Variants in CFAP54 observed in about 807,000 individuals in gnomAD.
CFAP54 encodes the protein cilia and flagella associated protein 54.
In CFAP54, 290 loss-of-function variants were observed where a neutral mutation model predicts 370.4. The observed-to-expected ratio is 0.78, with a 90% confidence interval of 0.71 to 0.86. The LOEUF is 0.86. Ranked by LOEUF, CFAP54 falls within the 40% of genes least tolerant of loss-of-function variation. CFAP54 has a pLI of 0.00. For missense variants in CFAP54, 3,399 were observed against 3,528.7 expected (o/e 0.96, Z 0.93); for synonymous variants, 1,206 against 1,236.5 (o/e 0.98, Z 0.52).
rs143343437 is a variant in CFAP54, at chr12:96,506,065, C to T, written c.568-863C>T. Among the ~76,000 whole-genome samples the T allele has an allele frequency of 5.4e-3, 817 of 152,156 alleles. 12 individuals carry two copies. Among genetic ancestry groups the T allele is most frequent in the African/African-American group, 0.018 (738 of 41,510 alleles). On this transcript the variant is annotated intron_variant, in intron 3 of 67. Transcript: ENST00000524981. The stretch of plus-strand genomic sequence containing the variant: ...AACAATTGATTCAATTCTGGCCGGG[C>T]GCGGTGGCTCACGCCTGTAATCCTA...
intron 66 of CFAP54, among the ~76,000 whole-genome samples, chr12:96,853,331 T>A (rs1959604043): frequency 6.6e-6 from 1 of 152,278 alleles, no homozygotes; most frequent in East Asian, 1.9e-4. Flanking sequence ...CAAGATTCTA[T>A]TCATATGCAG....
chr12:96,801,067 A>G (rs1326432494), intron 63 of CFAP54, among the ~76,000 whole-genome samples: 1 of 152,208 alleles, frequency 6.6e-6, no homozygotes, highest in African/African-American at 2.4e-5. Context: ...TGACGATGCA[A>G]TTTAACATCC....
At chr12:96,496,367 G>A (rs561777636) in intron 1 of CFAP54, among the ~76,000 whole-genome samples, 1 of 152,200 alleles carries the variant, frequency 6.6e-6, no homozygotes, top group Non-Finnish European at 1.5e-5. Context: ...AAATACTACA[G>A]ACCAGGTGGC....
intron 9 of CFAP54, among the ~76,000 whole-genome samples, chr12:96,531,185 A>C (rs1955437466): frequency 6.6e-6 from 1 of 152,048 alleles, no homozygotes. Flanking sequence ...TGAAATACAA[A>C]CTCTAAGAAT....
At position 96,685,218 on chromosome 12, in the gene CFAP54, C is replaced by A; in HGVS notation, c.5994C>A (p.Val1998=). The stretch of plus-strand genomic sequence containing the variant: ...TCTGGGGGTGTTTGCAAGGAGCAGT[C>A]ATATCAGCAAAGATAGCACAGTGAG... ...VGIWGCLQGA[V]ISAKIAQFIK... Residue 1998 remains valine, a synonymous_variant, in exon 42 of 68, where the codon GTC becomes GTA. Transcript: ENST00000524981. 1 of 1,613,964 alleles carries A rather than the reference C, an allele frequency of 6.2e-7. No homozygotes were observed. The highest frequency in any genetic ancestry group is 1.1e-5 in the South Asian group (1 of 91,040).
chr12:96,694,043 AG>A (rs755029829), intron 45 of CFAP54, among the ~76,000 whole-genome samples: 4 of 152,230 alleles, frequency 2.6e-5, no homozygotes, highest in East Asian at 3.8e-4. Flanking sequence ...CATGGAAATA[AG>A]GCTCACCCAA....
chr12:96,553,065 T>G (rs1955712703), intron 15 of CFAP54, among the ~76,000 whole-genome samples: 1 of 152,168 alleles, frequency 6.6e-6, no homozygotes. Context: ...CACAGAGGCT[T>G]CTGAGCAAAC....
chr12:96,562,033 G>T (rs1195595933), intron 17 of CFAP54, among the ~76,000 whole-genome samples: 1 of 151,890 alleles, frequency 6.6e-6, no homozygotes, highest in East Asian at 1.9e-4. Flanking sequence ...TGATCTGCCT[G>T]CCTCGGCCTC....
intron 22 of CFAP54, among the ~76,000 whole-genome samples, chr12:96,588,481 A>G (rs964304265): frequency 6.6e-6 from 1 of 152,222 alleles, no homozygotes; most frequent in Non-Finnish European, 1.5e-5. Flanking sequence ...ATCTCTATCT[A>G]AACTTTGAAG....
intron 19 of CFAP54, among the ~76,000 whole-genome samples, chr12:96,570,389 C>T (rs1402992359): frequency 6.6e-6 from 1 of 151,764 alleles, no homozygotes; most frequent in African/African-American, 2.4e-5. Context: ...TGTTTTGACT[C>T]CCAGGCTTCA....
chr12:96,534,022 A>G (rs1249633306), intron 10 of CFAP54, 40 bp from the exon 11 acceptor site: 3 of 1,498,814 alleles, frequency 2.0e-6, no homozygotes, highest in East Asian at 4.9e-5. Context: ...TTAAAATGAC[A>G]TCCAATTACT....
Position 96,786,837 on chromosome 12 carries a change from T to C in CFAP54, c.8618T>C (p.Leu2873Pro). The C allele has an allele frequency of 6.5e-7, 1 of 1,535,724 alleles. No individual in the cohort carries two copies. Among genetic ancestry groups the C allele is most frequent in the Non-Finnish European group, 8.7e-7 (1 of 1,146,646 alleles). ...SSCIDEFPKE[L>P]LCQLENPPLS... ...TGTATTGATGAATTTCCAAAAGAAC[T>C]TCTTTGTCAACTGGAAAATCCCCCT... Residue 2873 changes from leucine to proline, a missense_variant, in exon 62 of 68, where the codon CTT (leucine) becomes CCT (proline). Leu to Pro is a moderately conservative substitution (Grantham distance 98). This residue lies in a region of CFAP54 where 2,796 missense variants were observed against 2,869.7 expected (regional missense o/e 0.97). Transcript: ENST00000524981.
intron 62 of CFAP54, among the ~76,000 whole-genome samples, chr12:96,791,070 G>T (rs1241751494): frequency 6.6e-6 from 1 of 152,016 alleles, no homozygotes; most frequent in African/African-American, 2.4e-5. Context: ...ACCTTGACAG[G>T]CCTTAGATAT....
intron 55 of CFAP54, among the ~76,000 whole-genome samples, chr12:96,744,588 G>A (rs1958090448): frequency 6.6e-6 from 1 of 152,154 alleles, no homozygotes; most frequent in Non-Finnish European, 1.5e-5. Flanking sequence ...GGAAAGGAAT[G>A]TGTTAAATGC....
chr12:96,601,789 G>A (rs565459264), intron 26 of CFAP54, among the ~76,000 whole-genome samples: 8 of 152,288 alleles, frequency 5.3e-5, no homozygotes, highest in Non-Finnish European at 8.8e-5. Context: ...ATTTCTGTGG[G>A]ATTGGTGGTG....
intron 63 of CFAP54, among the ~76,000 whole-genome samples, chr12:96,794,961 C>G (rs375815769): frequency 6.6e-6 from 1 of 152,194 alleles, no homozygotes; most frequent in South Asian, 2.1e-4. Flanking sequence ...CCCCCTTCCC[C>G]TAGGGATGGA....
At chr12:96,600,539 T>G (rs1956228125) in intron 26 of CFAP54, among the ~76,000 whole-genome samples, 1 of 152,208 alleles carries the variant, frequency 6.6e-6, no homozygotes, top group Non-Finnish European at 1.5e-5. Context: ...CATTGGTAGC[T>G]TGATGGGGAT....
intron 66 of CFAP54, 124 bp downstream of exon 66, chr12:96,829,212 A>G: frequency 2.0e-6 from 1 of 496,638 alleles, no homozygotes; most frequent in Middle Eastern, 3.7e-4. Flanking sequence ...AATGTGAAAA[A>G]GTGATAAACA....
intron 50 of CFAP54, among the ~76,000 whole-genome samples, chr12:96,725,647 C>T (rs1957823681): frequency 6.6e-6 from 1 of 152,180 alleles, no homozygotes; most frequent in African/African-American, 2.4e-5. Flanking sequence ...TTCTTATTTT[C>T]CTAATTGAAT....
Sources: allele counts gnomAD v4.1 joint callset (sites outside exome capture counted in the v4.1 genomes callset), GRCh38; gene constraint gnomAD v4.1.1; regional missense constraint gnomAD v4.1.1; transcripts MANE v1.5; gene names NCBI Gene and HGNC (gene_info 2026-07-23, HGNC 2026-07-21).